GRID2IP: variants seen among roughly 807,000 people sequenced by gnomAD.
GRID2IP encodes Grid2 interacting protein.
In GRID2IP, 78 loss-of-function variants were observed where a neutral mutation model predicts 114.3. The ratio of observed to expected loss-of-function variants is 0.68; its 90% CI spans 0.57 to 0.82. The LOEUF (loss-of-function observed/expected upper bound fraction) is 0.82. Among genes scored for constraint, GRID2IP ranks in the 40% least tolerant of loss-of-function variants. The probability of loss-of-function intolerance (pLI) is 0.00; values close to 1 mark genes in which losing one functional copy is unlikely to be tolerated. For synonymous variants in GRID2IP, 809 were observed against 724.0 expected, an observed-to-expected ratio of 1.12 and a Z score of -1.89; for missense variants, 1,727 against 1,678.5, an observed-to-expected ratio of 1.03 and a Z score of -0.51.
rs533239055 is a variant in GRID2IP at position 6,497,981 on chromosome 7, C to T, written c.3564+83G>A. 3.7e-4 allele frequency: 540 copies of T among 1,444,728 alleles called. 4 individuals carry two copies. The Middle Eastern group carries it at 0.017, about 45-fold the overall frequency. 89.5% of individuals were successfully genotyped at this position (1,444,728 alleles called of 1,614,324 possible). ...CGCTCACTGGAGCCCCTTTCCCAGC[C>T]CTGGCTTCATGGAGGATCCCTTCAT... is the stretch of plus-strand genomic sequence containing the variant. On this transcript the variant is annotated intron_variant, in intron 21 of 21. Coordinates refer to ENST00000457091, the MANE Select transcript of GRID2IP (RefSeq NM_001145118.2).
At chr7:6,542,306 CAAAAAA>C (rs56154707) in intron 1 of GRID2IP, among the ~76,000 whole-genome samples, 3,149 of 95,182 alleles carry the variant, frequency 0.033, 62 homozygotes, top group Middle Eastern at 0.11. Context: ...AACTCCATCT[CAAAAAA>C]AAAAAAAAAA....
chr7:6,512,563 T>G (rs1441192474), intron 8 of GRID2IP, among the ~76,000 whole-genome samples: 2 of 151,108 alleles, frequency 1.3e-5, no homozygotes. Flanking sequence ...CAGGTTGGAG[T>G]GTAGTGGTGC....
At chr7:6,529,115 G>A (rs1779569255) in intron 2 of GRID2IP, among the ~76,000 whole-genome samples, 1 of 152,116 alleles carries the variant, frequency 6.6e-6, no homozygotes, top group Non-Finnish European at 1.5e-5. Flanking sequence ...CTGGGCAGGG[G>A]TCAAGAGGAC....
rs981671260 is a variant in GRID2IP at position 6,536,388 on chromosome 7, A to G, written c.584+3330T>C. 1.3e-5 allele frequency among the ~76,000 whole-genome samples: 2 copies of G among 152,136 alleles called. No individual in the cohort carries two copies. Among genetic ancestry groups the G allele is most frequent in the African/African-American group, 4.8e-5 (2 of 41,454 alleles). On this transcript the variant is annotated intron_variant, in intron 2 of 21. Transcript: ENST00000457091. The surrounding 1 kb of genome is among the most constrained non-coding windows in gnomAD (Gnocchi z 5.3). Reference sequence around the variant, plus strand: ...AGGGCTCCCGCTGCCCAGGCTCTAAATCGAGCGCGCCCAAGGGGGTTCCCC... The same window carrying G: ...AGGGCTCCCGCTGCCCAGGCTCTAAGTCGAGCGCGCCCAAGGGGGTTCCCC...
chr7:6,496,926 T>C lies in GRID2IP; in HGVS notation c.*848A>G, dbSNP rs146416970. On this transcript the variant is annotated 3_prime_UTR_variant, in exon 22 of 22. Coordinates refer to ENST00000457091, the MANE Select transcript of GRID2IP (RefSeq NM_001145118.2). The stretch of plus-strand genomic sequence containing the variant: ...TGCCTAGGCACATGTAAAATGACCA[T>C]TTGGGTCCCAAACACATCCCAGATT... Among the ~76,000 whole-genome samples, 4 of 152,148 alleles carry C rather than the reference T, an allele frequency of 2.6e-5. No homozygotes were observed. The highest frequency in any genetic ancestry group is 6.5e-5 in the Admixed American group (1 of 15,270).
chr7:6,510,071 C>T (rs2115365470), intron 11 of GRID2IP, among the ~76,000 whole-genome samples: 1 of 152,288 alleles, frequency 6.6e-6, no homozygotes, highest in African/African-American at 2.4e-5. Context: ...CTCCATTGAT[C>T]CTCCTGCCTC....
Position 6,501,908 on chromosome 7 carries a change from A to T in GRID2IP, c.3281-9T>A, listed in dbSNP as rs1786426373. ...CAGGGCCCGTTGGTTCACTGTAGGG[A>T]AGAGGACAGGGGCTGCATGGGGCCA... On this transcript the variant is annotated splice_polypyrimidine_tract_variant and intron_variant, in intron 19 of 21. Transcript: ENST00000457091. 1.9e-6 allele frequency: 3 copies of T among 1,551,090 alleles called. No individual in the cohort carries two copies. The highest frequency in any genetic ancestry group is 2.6e-6 in the Non-Finnish European group (3 of 1,146,818).
intron 20 of GRID2IP, among the ~76,000 whole-genome samples, chr7:6,498,567 C>T (rs1786325203): frequency 6.8e-6 from 1 of 146,488 alleles, no homozygotes; most frequent in African/African-American, 2.6e-5. Flanking sequence ...ACTCTCTAGG[C>T]CTTACTTTTT....
chr7:6,508,755 C>T lies in GRID2IP; in HGVS notation c.2127+203G>A, dbSNP rs1035493968. 3.3e-5 allele frequency among the ~76,000 whole-genome samples: 5 copies of T among 152,218 alleles called. No individual in the cohort carries two copies. Among genetic ancestry groups the T allele is most frequent in the Admixed American group, 2.6e-4 (4 of 15,290 alleles). On this transcript the variant is annotated intron_variant, in intron 12 of 21. Transcript: ENST00000457091. The surrounding 1 kb of genome is among the most constrained non-coding windows in gnomAD (Gnocchi z 5.6). ...CCTGCGACAGGGAATATGGGCTAGC[C>T]TCAGTCAAGGAGCATGATAACCTTG...
At chr7:6,537,523 G>T (rs867866581) in intron 2 of GRID2IP, among the ~76,000 whole-genome samples, 1 of 149,868 alleles carries the variant, frequency 6.7e-6, no homozygotes, top group African/African-American at 2.5e-5. Context: ...GATTACAGGC[G>T]CCCGCCACCA....
In GRID2IP at chr7:6,502,840, A is replaced by G; in HGVS notation, c.3096T>C (p.Asp1032=). The part of the protein sequence containing the change: ...FVLAMGNYLN[D]GQPKTNKTTG... Reference sequence around the variant, plus strand: ...TAGTCTTGTTGGTTTTGGGCTGTCCATCGTTGAGATAGTTGCCCATGGCCA... The same window carrying G: ...TAGTCTTGTTGGTTTTGGGCTGTCCGTCGTTGAGATAGTTGCCCATGGCCA... Residue 1032 remains aspartate, a synonymous_variant, in exon 18 of 22, where the codon GAT becomes GAC. Coordinates refer to ENST00000457091, the MANE Select transcript of GRID2IP (RefSeq NM_001145118.2). 1.3e-6 allele frequency: 2 copies of G among 1,552,028 alleles called. No homozygotes were observed. Among genetic ancestry groups the G allele is most frequent in the Non-Finnish European group, 1.7e-6 (2 of 1,147,028 alleles).
chr7:6,528,633 C>A lies in GRID2IP; in HGVS notation c.585-1864G>T, dbSNP rs1035840733. Among the ~76,000 whole-genome samples, 1 of 152,180 alleles carries A rather than the reference C, an allele frequency of 6.6e-6. No individual in the cohort carries two copies. Among genetic ancestry groups the A allele is most frequent in the Non-Finnish European group, 1.5e-5 (1 of 68,038 alleles). The stretch of plus-strand genomic sequence containing the variant: ...AGTGGCCTTGCAGCTGAAAGACAAA[C>A]CCCTCTGAGGTGTCCCAGCGGCCCT... On this transcript the variant is annotated intron_variant, in intron 2 of 21. Transcript: ENST00000457091. This position sits in a 1 kb window ranked among gnomAD's most constrained non-coding sequence, Gnocchi z 6.0.
chr7:6,547,961 G>A (rs1779911919), intron 1 of GRID2IP, among the ~76,000 whole-genome samples: 2 of 152,170 alleles, frequency 1.3e-5, no homozygotes, highest in South Asian at 2.1e-4. Flanking sequence ...GTGCTGCTGG[G>A]GCAGAACTGA....
intron 1 of GRID2IP, among the ~76,000 whole-genome samples, chr7:6,544,193 C>T (rs1779851761): frequency 6.6e-6 from 1 of 152,184 alleles, no homozygotes. Context: ...GGCTCCTTGC[C>T]TGTGTTGTTC....
In GRID2IP at chr7:6,521,930, T is replaced by C; in HGVS notation, c.947A>G (p.Lys316Arg). Residue 316 changes from lysine to arginine, a missense_variant, in exon 5 of 22, where the codon AAG (lysine) becomes AGG (arginine). Coordinates refer to ENST00000457091, the MANE Select transcript of GRID2IP (RefSeq NM_001145118.2). This position sits in a 1 kb window ranked among gnomAD's most constrained non-coding sequence, Gnocchi z 4.1. ...PGSPADNAAL[K>R]SGDRILFLNG... Reference sequence around the variant, plus strand: ...GAGGAAGAGGATCCGGTCACCTGACTTGAGGGCAGCATTGTCAGCTGGGCT... The same window carrying C: ...GAGGAAGAGGATCCGGTCACCTGACCTGAGGGCAGCATTGTCAGCTGGGCT... 1.3e-6 allele frequency: 2 copies of C among 1,551,522 alleles called. No homozygotes were observed. The highest frequency in any genetic ancestry group is 1.7e-6 in the Non-Finnish European group (2 of 1,146,884).
rs766377087 is a variant in GRID2IP, at chr7:6,508,068, G to A, written c.2461C>T (p.Arg821Trp). The A allele has an allele frequency of 5.7e-4, 875 of 1,548,216 alleles. 6 individuals carry two copies. Among genetic ancestry groups the A allele is most frequent in the Admixed American group, 3.5e-4 (18 of 50,886 alleles). Residue 821 changes from arginine (R) to tryptophan (W), a missense_variant, in exon 13 of 22, where the codon CGG becomes TGG. By Grantham distance (101) the Arg-to-Trp change is moderately radical. Coordinates refer to ENST00000457091, the MANE Select transcript of GRID2IP (RefSeq NM_001145118.2). This position sits in a 1 kb window ranked among gnomAD's most constrained non-coding sequence, Gnocchi z 5.6. ...PPMLSRGLGH[R>W]RSETSHMSVK... ...CTCATGTGGCTGGTCTCACTGCGCC[G>A]GTGGCCCAGGCCCCGGGACAGCATG...
intron 1 of GRID2IP, among the ~76,000 whole-genome samples, chr7:6,540,248 G>A (rs2115097286): frequency 6.6e-6 from 1 of 152,106 alleles, no homozygotes; most frequent in Non-Finnish European, 1.5e-5. Flanking sequence ...GAGTAGCTGG[G>A]ATTACAGGCA....
At chr7:6,538,070 A>G (rs140192137) in intron 2 of GRID2IP, among the ~76,000 whole-genome samples, 142 of 152,138 alleles carry the variant, frequency 9.3e-4, no homozygotes, top group African/African-American at 3.2e-3. Flanking sequence ...GCACACATTC[A>G]TCATCATCAC....
rs572294857 is a variant in GRID2IP at position 6,516,091 on chromosome 7, C to T, written c.1269-1562G>A. 7.7e-4 allele frequency among the ~76,000 whole-genome samples: 114 copies of T among 148,092 alleles called. No individual in the cohort carries two copies. Among genetic ancestry groups the T allele is most frequent in the Admixed American group, 2.0e-3 (28 of 14,306 alleles). On this transcript the variant is annotated intron_variant, in intron 7 of 21. Transcript: ENST00000457091. The surrounding 1 kb of genome is among the most constrained non-coding windows in gnomAD (Gnocchi z 4.3). ...CAGCCTGGGTGACAGAGCAAGACCC[C>T]GTCTCAAAATAATAATAATAAAAAA...
Sources: gnomAD v4.1 joint callset for allele counts (sites outside exome capture counted in the v4.1 genomes callset) on GRCh38, gnomAD v4.1.1 for gene constraint, Gnocchi (gnomAD v3.1) non-coding constraint, MANE v1.5 for transcripts, NCBI Gene and HGNC (gene_info 2026-07-23, HGNC 2026-07-21) for gene names.